Variants in RASAL2 observed in about 807,000 individuals in gnomAD.
RASAL2 encodes the protein RAS protein activator like 2.
In RASAL2, 58 loss-of-function variants were observed where a neutral mutation model predicts 128.9. The ratio of observed to expected loss-of-function variants is 0.45; its 90% confidence interval spans 0.36 to 0.56. The LOEUF (loss-of-function observed/expected upper bound fraction) is 0.56. Ranked by LOEUF, RASAL2 falls within the 20% of genes least tolerant of loss-of-function variation. The pLI is 0.00. For missense variants in RASAL2, 1,360 were observed against 1,601.6 expected (o/e 0.85, Z 2.57); for synonymous variants, 561 against 580.8 (o/e 0.97, Z 0.49).
At chr1:178,165,204 T>C (rs1661480255) in intron 1 of RASAL2, among the ~76,000 whole-genome samples, 1 of 152,036 alleles carries the variant, frequency 6.6e-6, no homozygotes, top group Non-Finnish European at 1.5e-5. Context: ...TATATGTGTG[T>C]GTGTATCTAT....
chr1:178,338,655 G>C (rs191430407), intron 3 of RASAL2, among the ~76,000 whole-genome samples: 2 of 152,152 alleles, frequency 1.3e-5, no homozygotes, highest in Non-Finnish European at 2.9e-5. Flanking sequence ...TATCATAGAT[G>C]TAGCCTCCGG....
chr1:178,331,362 G>A (rs1054628769), intron 3 of RASAL2, among the ~76,000 whole-genome samples: 8 of 152,074 alleles, frequency 5.3e-5, no homozygotes, highest in African/African-American at 1.9e-4. Flanking sequence ...ATACTCCCGT[G>A]TCCTATGACA....
intron 1 of RASAL2, among the ~76,000 whole-genome samples, chr1:178,189,272 G>C (rs79548944): frequency 6.6e-6 from 1 of 152,168 alleles, no homozygotes; most frequent in Non-Finnish European, 1.5e-5. Flanking sequence ...TGATTGTCAT[G>C]TGAGGATATA....
At chr1:178,422,815 G>A (rs747332506) in intron 5 of RASAL2, among the ~76,000 whole-genome samples, 3 of 152,048 alleles carry the variant, frequency 2.0e-5, no homozygotes, top group Non-Finnish European at 4.4e-5. Flanking sequence ...CCAGTTAAAT[G>A]TAGTAAGCAG....
Position 178,410,339 on chromosome 1 carries a change from G to A in RASAL2, c.565-10172G>A, listed in dbSNP as rs192204211. ...GCTGAAATGTTGAAGAATGAAGCTG[G>A]GTCCTCATCTCTCACCTTATACAAA... On this transcript the variant is annotated intron_variant, in intron 4 of 17. Transcript: ENST00000367649. 5.1e-3 allele frequency among the ~76,000 whole-genome samples: 778 copies of A among 152,034 alleles called. 3 individuals carry two copies. Among genetic ancestry groups the A allele is most frequent in the Non-Finnish European group, 7.4e-3 (501 of 67,970 alleles).
intron 1 of RASAL2, among the ~76,000 whole-genome samples, chr1:178,097,566 T>G (rs181540864): frequency 2.4e-4 from 36 of 152,212 alleles, no homozygotes; most frequent in Non-Finnish European, 3.4e-4. Flanking sequence ...GCGATGTTGC[T>G]TAGGTCTAGT....
chr1:178,471,628 T>TA (rs1466343968), intron 17 of RASAL2, among the ~76,000 whole-genome samples: 2 of 152,300 alleles, frequency 1.3e-5, no homozygotes, highest in East Asian at 1.9e-4. Context: ...TCTTTTTTTT[T>TA]AATATACTTT....
intron 9 of RASAL2, among the ~76,000 whole-genome samples, chr1:178,451,231 C>T (rs558746729): frequency 9.2e-5 from 14 of 152,184 alleles, no homozygotes; most frequent in South Asian, 4.2e-4. Context: ...CTAAGTAGAG[C>T]GAGCCTTAAA....
intron 3 of RASAL2, among the ~76,000 whole-genome samples, chr1:178,318,169 A>C (rs1389764394): frequency 6.6e-6 from 1 of 151,806 alleles, no homozygotes; most frequent in East Asian, 1.9e-4. Context: ...AGTTTGTTAT[A>C]ATTTCTGTTC....
chr1:178,404,984 G>GAAATGCACATTTTA (rs1292862438), intron 4 of RASAL2, among the ~76,000 whole-genome samples: 1 of 152,038 alleles, frequency 6.6e-6, no homozygotes, highest in Non-Finnish European at 1.5e-5. Flanking sequence ...ACCTAGCCGA[G>GAAATGCACATTTTA]AAATGCACAT....
intron 3 of RASAL2, among the ~76,000 whole-genome samples, chr1:178,328,975 G>A (rs1220695918): frequency 6.6e-6 from 1 of 152,076 alleles, no homozygotes; most frequent in Non-Finnish European, 1.5e-5. Context: ...GATTGACTTA[G>A]CAAATTGCCT....
chr1:178,205,392 C>T (rs1260631793), intron 1 of RASAL2, among the ~76,000 whole-genome samples: 1 of 152,144 alleles, frequency 6.6e-6, no homozygotes, highest in Non-Finnish European at 1.5e-5. Context: ...GTGACTTTTT[C>T]TTGAGTGCTT....
chr1:178,294,470 G>A (rs1167047412), intron 2 of RASAL2, among the ~76,000 whole-genome samples: 1 of 152,188 alleles, frequency 6.6e-6, no homozygotes, highest in Admixed American at 6.5e-5. Flanking sequence ...GCAGATACCA[G>A]TGAAGAAACT....
intron 4 of RASAL2, among the ~76,000 whole-genome samples, chr1:178,403,653 C>T (rs1333381393): frequency 6.6e-6 from 1 of 151,964 alleles, no homozygotes; most frequent in Non-Finnish European, 1.5e-5. Context: ...AGATGTGTAT[C>T]TCATACCTTA....
At chr1:178,439,665 TG>T in intron 6 of RASAL2, 90 bp downstream of exon 6, 3 of 1,177,642 alleles carry the variant, frequency 2.5e-6, no homozygotes, top group Non-Finnish European at 3.5e-6. Context: ...GCTGTACAGT[TG>T]ATGATTTAAT....
At chr1:178,166,902 A>C (rs1661535383) in intron 1 of RASAL2, among the ~76,000 whole-genome samples, 1 of 152,084 alleles carries the variant, frequency 6.6e-6, no homozygotes, top group Non-Finnish European at 1.5e-5. Flanking sequence ...TGCTTATTCA[A>C]AAGGAAAACT....
chr1:178,462,462 G>A (rs1391879519), intron 14 of RASAL2, among the ~76,000 whole-genome samples: 1 of 152,010 alleles, frequency 6.6e-6, no homozygotes, highest in Non-Finnish European at 1.5e-5. Flanking sequence ...ACGCTTATAA[G>A]ACCAAGAATA....
intron 1 of RASAL2, among the ~76,000 whole-genome samples, chr1:178,155,819 TTA>T (rs1353917493): frequency 1.3e-5 from 2 of 152,114 alleles, no homozygotes; most frequent in African/African-American, 4.8e-5. Flanking sequence ...AAGAAATAAT[TTA>T]GTTAGGCTCT....
intron 1 of RASAL2, among the ~76,000 whole-genome samples, chr1:178,198,547 C>G (rs750424342): frequency 2.7e-4 from 41 of 152,322 alleles, no homozygotes; most frequent in Non-Finnish European, 5.3e-4. Flanking sequence ...TTCTAATAGT[C>G]AGGTCCCTCA....
Sources: gnomAD v4.1 joint callset for allele counts (sites outside exome capture counted in the v4.1 genomes callset) on GRCh38, gnomAD v4.1.1 for gene constraint, MANE v1.5 for transcripts, NCBI Gene and HGNC (gene_info 2026-07-23, HGNC 2026-07-21) for gene names.